LRRK2: variants seen among roughly 807,000 people sequenced by gnomAD.
The protein encoded by LRRK2 is leucine-rich repeat serine/threonine-protein kinase 2.
A neutral mutation model predicts 302.6 loss-of-function variants in LRRK2; 203 were observed. The observed-to-expected ratio is 0.67, with a 90% CI of 0.60 to 0.75. The LOEUF is 0.75. Among genes scored for constraint, LRRK2 ranks in the 30% least tolerant of loss-of-function variants. The pLI, the probability that LRRK2 is intolerant of heterozygous loss-of-function variation, is 0.00. For synonymous variants in LRRK2, 1,066 were observed against 1,031.9 expected (o/e 1.03, Z -0.63); for missense variants, 2,830 against 2,951.0 (o/e 0.96, Z 0.95).
chr12:40,277,284 G>A (rs1176332639), intron 16 of LRRK2, among the ~76,000 whole-genome samples: 2 of 152,116 alleles, frequency 1.3e-5, no homozygotes, highest in Non-Finnish European at 2.9e-5. Context: ...TGTGCTTAAG[G>A]TGGTTCTAAA....
chr12:40,352,334 G>A (rs1946377559), intron 44 of LRRK2, among the ~76,000 whole-genome samples: 1 of 152,084 alleles, frequency 6.6e-6, no homozygotes, highest in Non-Finnish European at 1.5e-5. Context: ...ATCTGGACAT[G>A]GCTCCTAAAA....
At chr12:40,268,086 G>A (rs1220830357) in intron 14 of LRRK2, among the ~76,000 whole-genome samples, 5 of 152,112 alleles carry the variant, frequency 3.3e-5, no homozygotes, top group Admixed American at 6.6e-5. Context: ...CTAGAACAGC[G>A]ATGTTCCATT....
At position 40,363,567 on chromosome 12, in the gene LRRK2, G is replaced by T; in HGVS notation, c.7181+13G>T. ...TGCACTTTTTAAGGTAAATTCTGTG[G>T]TTTTTAATTTTATTCCCAAAAGAAT... is the stretch of plus-strand genomic sequence containing the variant. On this transcript the variant is annotated intron_variant, in intron 48 of 50. Coordinates refer to ENST00000298910, the MANE Select transcript of LRRK2 (RefSeq NM_198578.4). 1.2e-6 allele frequency: 2 copies of T among 1,610,032 alleles called. No homozygotes were observed. Among genetic ancestry groups the T allele is most frequent in the South Asian group, 1.1e-5 (1 of 90,976 alleles).
chr12:40,328,248 G>T (rs1037055627), intron 38 of LRRK2, 112 bp from the exon 39 acceptor site: 1 of 772,278 alleles, frequency 1.3e-6, no homozygotes, highest in African/African-American at 1.7e-5. Flanking sequence ...GAAACAAGTA[G>T]GTCAGGTTTC....
intron 38 of LRRK2, 125 bp downstream of exon 38, chr12:40,323,431 T>C: frequency 1.1e-6 from 1 of 879,022 alleles, no homozygotes; most frequent in Non-Finnish European, 1.7e-6. Context: ...TTATAATTTT[T>C]GTATTTGGAA....
In LRRK2 at chr12:40,314,187, G is replaced by GTTCC; in HGVS notation, c.4738+17_4738+20dup. ...TAAATGAATCAGGTTTGTGTTTTTC[G>GTTCC]TTCCTTATTTTCAAAGCTCAGCTGT... On this transcript the variant is annotated intron_variant, in intron 32 of 50. Transcript: ENST00000298910. The GTTCC allele has an allele frequency of 6.2e-7, 1 of 1,610,408 alleles. No homozygotes were observed. The highest frequency in any genetic ancestry group is 1.3e-5 in the African/African-American group (1 of 74,894).
At chr12:40,254,474 C>T (rs1003742927) in intron 11 of LRRK2, among the ~76,000 whole-genome samples, 2 of 152,136 alleles carry the variant, frequency 1.3e-5, no homozygotes, top group African/African-American at 4.8e-5. Flanking sequence ...GAGAGGGAAT[C>T]GCTGTTCTCG....
chr12:40,278,987 C>G (rs1167711628), intron 18 of LRRK2, among the ~76,000 whole-genome samples: 1 of 151,892 alleles, frequency 6.6e-6, no homozygotes, highest in Non-Finnish European at 1.5e-5. Flanking sequence ...ATCTTTGTAT[C>G]ATTCAGAATA....
chr12:40,305,732 AG>A, intron 27 of LRRK2, 52 bp from the exon 28 acceptor site: 1 of 1,513,326 alleles, frequency 6.6e-7, no homozygotes, highest in East Asian at 2.3e-5. Context: ...TTTTTGGCAG[AG>A]CACATTTCTT....
intron 13 of LRRK2, among the ~76,000 whole-genome samples, chr12:40,262,564 A>T (rs1465872215): frequency 6.6e-6 from 1 of 152,164 alleles, no homozygotes; most frequent in African/African-American, 2.4e-5. Flanking sequence ...GATTATGGAT[A>T]CTGCTCTCAA....
chr12:40,257,978 TA>T (rs908310906), intron 12 of LRRK2, among the ~76,000 whole-genome samples: 4 of 151,808 alleles, frequency 2.6e-5, no homozygotes, highest in Non-Finnish European at 4.4e-5. Flanking sequence ...CTCTCATGTG[TA>T]AAAAAAATAA....
At chr12:40,295,058 C>A in intron 22 of LRRK2, 144 bp downstream of exon 22, 1 of 599,158 alleles carries the variant, frequency 1.7e-6, no homozygotes, top group Non-Finnish European at 3.0e-6. Flanking sequence ...ATGATTCCTT[C>A]CATAAGCTAT....
At chr12:40,258,853 A>G (rs912721382) in intron 12 of LRRK2, among the ~76,000 whole-genome samples, 1 of 152,176 alleles carries the variant, frequency 6.6e-6, no homozygotes, top group African/African-American at 2.4e-5. Context: ...TGATATGCAC[A>G]AGTTTCAGTT....
intron 31 of LRRK2, among the ~76,000 whole-genome samples, chr12:40,312,314 G>GC (rs1945062232): frequency 6.6e-6 from 1 of 152,070 alleles, no homozygotes; most frequent in African/African-American, 2.4e-5. Flanking sequence ...AGTATATATT[G>GC]CTAATGGATG....
intron 7 of LRRK2, among the ~76,000 whole-genome samples, chr12:40,246,537 A>G (rs148547517): frequency 0.018 from 2,690 of 152,182 alleles, 57 homozygotes; most frequent in South Asian, 0.11. Flanking sequence ...AACTATATAT[A>G]AAGTTCTGGG....
rs11317573 is a variant in LRRK2 at position 40,363,384 on chromosome 12, A to AT, written c.7029-9dup. On this transcript the variant is annotated splice_polypyrimidine_tract_variant and intron_variant, in intron 47 of 50. Coordinates refer to ENST00000298910, the MANE Select transcript of LRRK2 (RefSeq NM_198578.4). ...AGAAAACAAATAGTGATGACTTTCT[A>AT]TTTTTTTTTCTCTGTAGGTTTTCTT... 135 of 1,599,232 alleles carry AT rather than the reference A, an allele frequency of 8.4e-5. 1 individual carries two copies. Among genetic ancestry groups the AT allele is most frequent in the African/African-American group, 1.5e-4 (11 of 74,244 alleles).
intron 20 of LRRK2, 95 bp downstream of exon 20, chr12:40,287,634 G>A: frequency 8.0e-7 from 1 of 1,245,732 alleles, no homozygotes; most frequent in Non-Finnish European, 1.1e-6. Flanking sequence ...AAATCATCTG[G>A]AAAAACTTGA....
chr12:40,294,773 GT>G, intron 21 of LRRK2, 71 bp from the exon 22 acceptor site: 1 of 883,500 alleles, frequency 1.1e-6, no homozygotes, highest in Non-Finnish European at 1.8e-6. Flanking sequence ...AAATTTCATG[GT>G]TCCTTCCTTA....
intron 25 of LRRK2, among the ~76,000 whole-genome samples, chr12:40,299,919 T>C (rs1477209550): frequency 6.6e-6 from 1 of 152,158 alleles, no homozygotes; most frequent in Non-Finnish European, 1.5e-5. Context: ...GCCCTAAAAA[T>C]AGTCTATAAT....
Sources: allele counts gnomAD v4.1 joint callset (sites outside exome capture counted in the v4.1 genomes callset), GRCh38; gene constraint gnomAD v4.1.1; transcripts MANE v1.5; gene names NCBI Gene and HGNC (gene_info 2026-07-23, HGNC 2026-07-21).